SPAG6: variants seen among roughly 807,000 people sequenced by gnomAD.
SPAG6 encodes sperm associated antigen 6, also known as sperm-associated antigen 6.
A neutral mutation model predicts 58.5 loss-of-function variants in SPAG6; 49 were observed. The ratio of observed to expected loss-of-function variants is 0.84; its 90% CI spans 0.67 to 1.06. The LOEUF (loss-of-function observed/expected upper bound fraction) is 1.06, where lower values mean the gene tolerates loss of function less well. SPAG6 is among the 50% of genes least tolerant of loss of function. The pLI is 0.00. For synonymous variants in SPAG6, 233 were observed against 225.6 expected (o/e 1.03, Z -0.29); for missense variants, 560 against 611.3 (o/e 0.92, Z 0.89).
intron 9 of SPAG6, among the ~76,000 whole-genome samples, chr10:22,401,982 G>C (rs1460025073): frequency 2.6e-5 from 4 of 152,180 alleles, no homozygotes; most frequent in African/African-American, 9.6e-5. Context: ...GTCTGTACAA[G>C]TAGTAGCCCA....
At chr10:22,374,487 A>C (rs764509620) in intron 4 of SPAG6, among the ~76,000 whole-genome samples, 8 of 151,936 alleles carry the variant, frequency 5.3e-5, no homozygotes, top group Admixed American at 2.0e-4. Context: ...ATGAATTATA[A>C]CTGGGCAGAG....
intron 4 of SPAG6, 42 bp downstream of exon 4, chr10:22,368,720 T>C: frequency 6.7e-7 from 1 of 1,485,110 alleles, no homozygotes; most frequent in Non-Finnish European, 9.3e-7. Flanking sequence ...AATAGGATTA[T>C]TACAATTCAG....
intron 2 of SPAG6, among the ~76,000 whole-genome samples, chr10:22,356,641 T>C (rs761592048): frequency 6.6e-6 from 1 of 152,228 alleles, no homozygotes; most frequent in Non-Finnish European, 1.5e-5. Flanking sequence ...CAACTATACA[T>C]CCTTTGACCA....
At chr10:22,366,502 A>G (rs866351517) in intron 3 of SPAG6, among the ~76,000 whole-genome samples, 10 of 152,320 alleles carry the variant, frequency 6.6e-5, no homozygotes, top group Middle Eastern at 3.4e-3. Context: ...GTTGTGCAAC[A>G]TTGTGAATGC....
chr10:22,377,313 T>C (rs552404064), intron 4 of SPAG6, among the ~76,000 whole-genome samples: 1 of 152,302 alleles, frequency 6.6e-6, no homozygotes, highest in Non-Finnish European at 1.5e-5. Flanking sequence ...ACAGCAACTT[T>C]GTAATTCTGA....
intron 4 of SPAG6, among the ~76,000 whole-genome samples, chr10:22,379,237 C>T (rs1204054113): frequency 2.0e-5 from 3 of 152,124 alleles, no homozygotes; most frequent in Admixed American, 2.0e-4. Context: ...GTCACTGTTG[C>T]CTATGGAGGG....
intron 4 of SPAG6, among the ~76,000 whole-genome samples, chr10:22,381,005 T>C (rs1383850484): frequency 6.6e-6 from 1 of 152,176 alleles, no homozygotes; most frequent in African/African-American, 2.4e-5. Context: ...ATCTCCACTA[T>C]GAGCTGAAAG....
chr10:22,403,583 C>T (rs58479732), intron 9 of SPAG6, among the ~76,000 whole-genome samples: 21,662 of 146,984 alleles, frequency 0.15, 5,036 homozygotes, highest in African/African-American at 0.52. Flanking sequence ...TGAATAGTGC[C>T]ACAATAAACA....
chr10:22,407,076 C>T (rs1219171572), intron 9 of SPAG6, among the ~76,000 whole-genome samples: 1 of 151,996 alleles, frequency 6.6e-6, no homozygotes, highest in African/African-American at 2.4e-5. Flanking sequence ...ACTGATGTGT[C>T]TTGACTCTTT....
At chr10:22,346,383 G>A (rs1588627889) in intron 2 of SPAG6, among the ~76,000 whole-genome samples, 1 of 151,770 alleles carries the variant, frequency 6.6e-6, no homozygotes, top group East Asian at 1.9e-4. Flanking sequence ...GGAGAGGGAG[G>A]GAGAGAGATC....
chr10:22,350,215 A>G (rs549531428), intron 2 of SPAG6, among the ~76,000 whole-genome samples: 42 of 152,260 alleles, frequency 2.8e-4, no homozygotes, highest in African/African-American at 9.9e-4. Flanking sequence ...GGTTTGCTAC[A>G]TATGCTTAAG....
In SPAG6 at chr10:22,345,639, A is replaced by T; in HGVS notation, c.25+3A>T. 6.5e-7 allele frequency: 1 copy of T among 1,547,066 alleles called. No individual in the cohort carries two copies. On this transcript the variant is annotated splice_donor_region_variant and intron_variant, in intron 1 of 10. Coordinates refer to ENST00000376624, the MANE Select transcript of SPAG6 (RefSeq NM_012443.4). The surrounding 1 kb of genome is among the most constrained non-coding windows in gnomAD (Gnocchi z 6.3). ...GAGTCAGAGGCAGGTGCTGCAAGGT[A>T]GGGCCGAGGCGGGCAGGTGCCCTAA...
intron 9 of SPAG6, among the ~76,000 whole-genome samples, chr10:22,403,471 T>A (rs1434187048): frequency 1.3e-5 from 2 of 152,258 alleles, no homozygotes; most frequent in Non-Finnish European, 2.9e-5. Context: ...AACTCATCAT[T>A]TTTTATGGCT....
rs146064116 is a variant in SPAG6, at chr10:22,348,761, A to G, written c.121+2943A>G. ...TTGCTTTATTAAATATGTCCAAAGT[A>G]ATTGCCAAAGCAGACAAAGTATGTT... On this transcript the variant is annotated intron_variant, in intron 2 of 10. Transcript: ENST00000376624. 1.4e-4 allele frequency among the ~76,000 whole-genome samples: 21 copies of G among 152,362 alleles called. No individual in the cohort carries two copies. The East Asian group carries it at 3.3e-3, about 24-fold the overall frequency.
At chr10:22,386,726 CACTT>C (rs760087951) in intron 4 of SPAG6, 24 bp from the exon 5 acceptor site, 16 of 1,588,178 alleles carry the variant, frequency 1.0e-5, no homozygotes, top group African/African-American at 1.3e-5. Context: ...CACCCATACT[CACTT>C]AATTACTTTT....
At chr10:22,384,846 A>G (rs940125436) in intron 4 of SPAG6, among the ~76,000 whole-genome samples, 2 of 152,210 alleles carry the variant, frequency 1.3e-5, no homozygotes, top group Admixed American at 6.6e-5. Context: ...TGCACTCAAG[A>G]ATTACTCAAG....
chr10:22,386,143 G>A (rs956621779), intron 4 of SPAG6, among the ~76,000 whole-genome samples: 4 of 152,038 alleles, frequency 2.6e-5, no homozygotes, highest in African/African-American at 7.2e-5. Flanking sequence ...CTAAACATTA[G>A]CATTTATATA....
At chr10:22,351,755 T>C (rs963505798) in intron 2 of SPAG6, among the ~76,000 whole-genome samples, 1 of 152,218 alleles carries the variant, frequency 6.6e-6, no homozygotes, top group African/African-American at 2.4e-5. Context: ...TGGAATGGCC[T>C]GTGTGAATAC....
chr10:22,386,986 C>T (rs146826355), intron 5 of SPAG6, 27 bp downstream of exon 5: 18 of 1,532,500 alleles, frequency 1.2e-5, no homozygotes, highest in South Asian at 1.1e-4. Context: ...TTGAAAAATA[C>T]ATCAGCCTTC....
Sources: gnomAD v4.1 joint callset for allele counts (sites outside exome capture counted in the v4.1 genomes callset) on GRCh38, gnomAD v4.1.1 for gene constraint, Gnocchi (gnomAD v3.1) non-coding constraint, MANE v1.5 for transcripts, NCBI Gene and HGNC (gene_info 2026-07-23, HGNC 2026-07-21) for gene names.